The following INTS6 variants were observed in gnomAD, a reference collection of about 807,000 sequenced individuals.
INTS6 encodes the protein integrator complex subunit 6.
In INTS6, 16 loss-of-function variants were observed where a neutral mutation model predicts 104.9. The observed-to-expected ratio is 0.15, with a 90% CI of 0.10 to 0.23. The LOEUF (loss-of-function observed/expected upper bound fraction) is 0.23, where lower values mean the gene tolerates loss of function less well. Among genes scored for constraint, INTS6 ranks in the 10% least tolerant of loss-of-function variants. INTS6 has a pLI of 1.00. For missense variants in INTS6, 584 were observed against 1,062.8 expected (o/e 0.55, Z 6.26); for synonymous variants, 324 against 358.7 (o/e 0.90, Z 1.09).
rs528878367 is a variant in INTS6 at position 51,409,758 on chromosome 13, C to T, written c.430-14275G>A. On this transcript the variant is annotated intron_variant, in intron 4 of 17. Transcript: ENST00000311234. ...ACAACAATGTCCATTCTCACTACTT[C>T]CACCAGTACATTGAAGCAAGAAAAA... is the stretch of plus-strand genomic sequence containing the variant. 5.5e-4 allele frequency among the ~76,000 whole-genome samples: 84 copies of T among 152,122 alleles called. 2 individuals are homozygous for T. The South Asian group carries it at 0.017, about 32-fold the overall frequency.
the INTS6 span, among the ~76,000 whole-genome samples, chr13:51,342,392 G>A: frequency 1.3e-5 from 2 of 152,082 alleles, no homozygotes; most frequent in Non-Finnish European, 2.9e-5. Context: ...ATAAAATGGG[G>A]ATAATAATAG....
the INTS6 span, chr13:51,348,403 C>T: frequency 6.2e-7 from 1 of 1,613,200 alleles, no homozygotes; most frequent in African/African-American, 1.3e-5. Flanking sequence ...TGGATGTGTT[C>T]CTGCCCAGGT....
At position 51,363,265 on chromosome 13, in the gene INTS6, G is replaced by C. The variant is rs780128740; in HGVS notation, c.*2487C>G. The stretch of plus-strand genomic sequence containing the variant: ...GTTTTCAGAACTGCCTCAGTAATCA[G>C]AATGAAAATATAAGGATAATCCAAA... On this transcript the variant is annotated 3_prime_UTR_variant, in exon 18 of 18. Coordinates refer to ENST00000311234, the MANE Select transcript of INTS6 (RefSeq NM_012141.3). The C allele has an allele frequency of 1.3e-5, 2 of 151,934 alleles. No individual in the cohort carries two copies. The highest frequency in any genetic ancestry group is 4.8e-5 in the African/African-American group (2 of 41,402). 9.4% of individuals were successfully genotyped at this position (151,934 alleles called of 1,614,324 possible).
At chr13:51,375,413 G>A (rs974786608) in intron 13 of INTS6, among the ~76,000 whole-genome samples, 4 of 149,826 alleles carry the variant, frequency 2.7e-5, no homozygotes, top group Admixed American at 6.6e-5. Flanking sequence ...TCTCTTCTGC[G>A]CTATTCCAAA....
At position 51,452,881 on chromosome 13, in the gene INTS6, A is replaced by G. The variant is rs1191543368; in HGVS notation, c.-356T>C. Reference sequence around the variant, plus strand: ...CAGCGGGAGACGGGCCTGGCTCCCCACCCCACCCCCGGTACAGGAGTGGGG... The same window carrying G: ...CAGCGGGAGACGGGCCTGGCTCCCCGCCCCACCCCCGGTACAGGAGTGGGG... On this transcript the variant is annotated 5_prime_UTR_variant, in exon 1 of 18. Transcript: ENST00000311234. The surrounding 1 kb of genome is among the most constrained non-coding windows in gnomAD (Gnocchi z 4.2). The G allele has an allele frequency of 2.7e-6, 3 of 1,124,220 alleles. No individual in the cohort carries two copies. The highest frequency in any genetic ancestry group is 3.3e-6 in the Non-Finnish European group (3 of 913,832). The allele number at this position is 1,124,220 out of a possible 1,614,324, so 69.6% of individuals were successfully genotyped here.
chr13:51,439,713 A>G (rs533761350), intron 3 of INTS6: 1 of 152,380 alleles, frequency 6.6e-6, no homozygotes, highest in East Asian at 1.9e-4. Context: ...AAGAAGTTTA[A>G]AACCTTTCTT....
intron 17 of INTS6, among the ~76,000 whole-genome samples, chr13:51,366,269 T>C (rs1026000663): frequency 5.3e-5 from 8 of 152,132 alleles, no homozygotes; most frequent in Non-Finnish European, 7.4e-5. Flanking sequence ...AAAGTATGAA[T>C]ATAATCTCCC....
At chr13:51,404,063 T>TACAC (rs71085082) in intron 4 of INTS6, among the ~76,000 whole-genome samples, 2,155 of 109,532 alleles carry the variant, frequency 0.02, 34 homozygotes, top group South Asian at 0.039. Context: ...TCTCTACAAA[T>TACAC]ACACACACAC....
chr13:51,385,471 G>A (rs763016694), intron 7 of INTS6, among the ~76,000 whole-genome samples: 13 of 152,194 alleles, frequency 8.5e-5, no homozygotes, highest in Non-Finnish European at 1.9e-4. Context: ...GGAGATCCAA[G>A]AGGGAAAGTG....
intron 4 of INTS6, among the ~76,000 whole-genome samples, chr13:51,429,581 T>C (rs1957046702): frequency 6.6e-6 from 1 of 151,394 alleles, no homozygotes; most frequent in African/African-American, 2.4e-5. Flanking sequence ...CTGGCCAACA[T>C]GGCAAGACAC....
chr13:51,421,054 C>T, intron 4 of INTS6: 1 of 773,822 alleles, frequency 1.3e-6, no homozygotes, highest in African/African-American at 1.9e-5. Context: ...TATGTTGAAT[C>T]AGATTCTCCA....
chr13:51,386,836 T>C lies in INTS6; in HGVS notation c.894+550A>G, dbSNP rs1956148229. 2.0e-5 allele frequency among the ~76,000 whole-genome samples: 3 copies of C among 152,010 alleles called. 1 individual carries two copies. The highest frequency in any genetic ancestry group is 2.0e-4 in the Admixed American group (3 of 15,266). The stretch of plus-strand genomic sequence containing the variant: ...TAATTTGTATAAATGTACCCTATTA[T>C]TTTAAGAATTATATAATGAATACTG... On this transcript the variant is annotated intron_variant, in intron 7 of 17. Coordinates refer to ENST00000311234, the MANE Select transcript of INTS6 (RefSeq NM_012141.3).
At chr13:51,389,290 G>C (rs1378074960) in intron 6 of INTS6, 29 bp downstream of exon 6, 6 of 1,599,924 alleles carry the variant, frequency 3.8e-6, no homozygotes, top group Admixed American at 1.8e-5. Context: ...AGCAAGTTTT[G>C]AATGTCTAAA....
chr13:51,421,679 A>G (rs181251664), intron 4 of INTS6, among the ~76,000 whole-genome samples: 3 of 152,320 alleles, frequency 2.0e-5, no homozygotes, highest in Admixed American at 2.0e-4. Flanking sequence ...TATTTACAAG[A>G]GAGTGCACCA....
At chr13:51,376,291 AAAAAT>A (rs758533387) in intron 12 of INTS6, 117 bp from the exon 13 acceptor site, 63 of 759,002 alleles carry the variant, frequency 8.3e-5, no homozygotes, top group Middle Eastern at 2.8e-4. Flanking sequence ...TTAGCTTAAA[AAAAAT>A]AAAATAAAGA....
chr13:51,341,142 A>G, the INTS6 span: 2 of 1,613,786 alleles, frequency 1.2e-6, no homozygotes, highest in Non-Finnish European at 1.7e-6. Context: ...GCTGCCTCCG[A>G]GCAAATGGCC....
chr13:51,401,561 A>G (rs1187191997), intron 4 of INTS6, among the ~76,000 whole-genome samples: 1 of 152,184 alleles, frequency 6.6e-6, no homozygotes, highest in African/African-American at 2.4e-5. Flanking sequence ...TGAACTAATG[A>G]TGCTTTAAAA....
chr13:51,335,452 G>A, the INTS6 span, among the ~76,000 whole-genome samples: 1 of 152,218 alleles, frequency 6.6e-6, no homozygotes, highest in Admixed American at 6.5e-5. Flanking sequence ...ATACGACTTT[G>A]CATCTATTAA....
At chr13:51,355,352 G>A (rs1955465142) in intron 3 of INTS6, among the ~76,000 whole-genome samples, 1 of 152,136 alleles carries the variant, frequency 6.6e-6, no homozygotes, top group African/African-American at 2.4e-5. Context: ...CCTTAATCAT[G>A]GTTTTCAGAG....
Sources: allele counts gnomAD v4.1 joint callset (sites outside exome capture counted in the v4.1 genomes callset), GRCh38; gene constraint gnomAD v4.1.1; non-coding constraint Gnocchi (gnomAD v3.1); transcripts MANE v1.5; gene names NCBI Gene and HGNC (gene_info 2026-07-23, HGNC 2026-07-21).